Variants in CDH12 observed in about 807,000 individuals in gnomAD.
The protein encoded by CDH12 is cadherin 12, also known as cadherin-12.
A neutral mutation model predicts 74.1 loss-of-function variants in CDH12; 41 were observed. The observed-to-expected ratio is 0.55, with a 90% CI of 0.43 to 0.72. The LOEUF (loss-of-function observed/expected upper bound fraction) is 0.72. Ranked by LOEUF, CDH12 falls within the 30% of genes least tolerant of loss-of-function variation. CDH12 has a pLI of 0.00. For synonymous variants in CDH12, 399 were observed against 355.0 expected (o/e 1.12, Z -1.39); for missense variants, 945 against 977.2 (o/e 0.97, Z 0.44).
intron 5 of CDH12, among the ~76,000 whole-genome samples, chr5:21,999,326 C>T (rs1736470675): frequency 6.6e-6 from 1 of 152,174 alleles, no homozygotes; most frequent in Non-Finnish European, 1.5e-5. Flanking sequence ...ACCATCTCTT[C>T]TGACACCACC....
chr5:21,859,605 C>G (rs1325212985), intron 6 of CDH12, among the ~76,000 whole-genome samples: 3 of 151,978 alleles, frequency 2.0e-5, no homozygotes, highest in Non-Finnish European at 4.4e-5. Context: ...GATCCACTAG[C>G]AAACTTCTTG....
intron 4 of CDH12, among the ~76,000 whole-genome samples, chr5:22,091,622 A>T (rs1743439386): frequency 6.6e-6 from 1 of 152,050 alleles, no homozygotes. Context: ...ATTATTAAGA[A>T]GACAATAACC....
intron 5 of CDH12, among the ~76,000 whole-genome samples, chr5:22,018,217 A>G (rs950981415): frequency 6.6e-6 from 1 of 152,198 alleles, no homozygotes; most frequent in African/African-American, 2.4e-5. Context: ...TTGAAAAGCC[A>G]GTTTGTCTCA....
At chr5:22,537,605 C>A (rs1737910095) in intron 1 of CDH12, among the ~76,000 whole-genome samples, 1 of 152,162 alleles carries the variant, frequency 6.6e-6, no homozygotes, top group Admixed American at 6.5e-5. Context: ...GGAGAGATGT[C>A]AGCCCCAAAA....
At chr5:21,857,442 T>TA (rs1554038101) in intron 6 of CDH12, among the ~76,000 whole-genome samples, 4 of 151,680 alleles carry the variant, frequency 2.6e-5, no homozygotes, top group Non-Finnish European at 5.9e-5. Context: ...CAATGGAGAG[T>TA]ATCAAGTCAC....
intron 1 of CDH12, among the ~76,000 whole-genome samples, chr5:22,702,080 G>T (rs1315271426): frequency 1.3e-5 from 2 of 152,122 alleles, no homozygotes; most frequent in African/African-American, 4.8e-5. Context: ...CATCATCATT[G>T]TCTAGAGGCG....
intron 1 of CDH12, among the ~76,000 whole-genome samples, chr5:22,835,409 C>T (rs1736778094): frequency 6.6e-6 from 1 of 152,206 alleles, no homozygotes; most frequent in South Asian, 2.1e-4. Context: ...CAAATGTGTC[C>T]TCCATTACCA....
intron 5 of CDH12, among the ~76,000 whole-genome samples, chr5:22,043,065 AGAG>A (rs1739688749): frequency 6.6e-6 from 1 of 152,156 alleles, no homozygotes; most frequent in South Asian, 2.1e-4. Context: ...AGAAAATTAC[AGAG>A]GAGGAAATTC....
intron 3 of CDH12, among the ~76,000 whole-genome samples, chr5:22,272,070 G>C (rs1736425173): frequency 6.6e-6 from 1 of 152,122 alleles, no homozygotes; most frequent in Non-Finnish European, 1.5e-5. Flanking sequence ...GTTGTAGATG[G>C]GATCTTCCTC....
At chr5:22,279,441 A>C (rs1293372885) in intron 3 of CDH12, among the ~76,000 whole-genome samples, 2 of 152,168 alleles carry the variant, frequency 1.3e-5, no homozygotes, top group African/African-American at 2.4e-5. Context: ...TTTGTTACAT[A>C]TGTATACATG....
chr5:22,223,180 T>C (rs1421594666), intron 3 of CDH12, among the ~76,000 whole-genome samples: 3 of 152,050 alleles, frequency 2.0e-5, no homozygotes, highest in Non-Finnish European at 4.4e-5. Context: ...GCAACACATG[T>C]GTTAAAGTTC....
intron 1 of CDH12, among the ~76,000 whole-genome samples, chr5:22,635,250 T>C (rs1276810295): frequency 6.6e-6 from 1 of 151,848 alleles, no homozygotes; most frequent in Admixed American, 6.7e-5. Context: ...GGGGACACAA[T>C]TTTCTTTTCG....
chr5:22,296,737 G>A (rs935062140), intron 3 of CDH12, among the ~76,000 whole-genome samples: 2 of 152,058 alleles, frequency 1.3e-5, no homozygotes, highest in East Asian at 1.9e-4. Flanking sequence ...TGCTTCAAGC[G>A]TGAAGCTGGC....
At chr5:22,055,059 T>C (rs988034103) in intron 5 of CDH12, among the ~76,000 whole-genome samples, 2 of 152,210 alleles carry the variant, frequency 1.3e-5, no homozygotes, top group African/African-American at 4.8e-5. Flanking sequence ...ATATCAGGTG[T>C]GTAATCTGAT....
intron 3 of CDH12, among the ~76,000 whole-genome samples, chr5:22,344,137 A>C (rs932626600): frequency 2.0e-5 from 3 of 152,222 alleles, no homozygotes; most frequent in Non-Finnish European, 2.9e-5. Flanking sequence ...GAAGCCATCC[A>C]ATATTAATTG....
Position 22,205,013 on chromosome 5 carries a change from T to G in CDH12, c.-187+7485A>C, listed in dbSNP as rs189933413. On this transcript the variant is annotated intron_variant, in intron 4 of 14. Transcript: ENST00000382254. Reference sequence around the variant, plus strand: ...ACTAGGCCTTGTCAACATGTATCCCTAGCATCTAGCACAGCACCTAACACT... The same window carrying G: ...ACTAGGCCTTGTCAACATGTATCCCGAGCATCTAGCACAGCACCTAACACT... Among the ~76,000 whole-genome samples the G allele has an allele frequency of 6.6e-5, 10 of 152,358 alleles. No individual in the cohort carries two copies. In the East Asian group the frequency reaches 1.9e-3, roughly 29 times the overall value.
chr5:22,246,213 A>C (rs926599906), intron 3 of CDH12, among the ~76,000 whole-genome samples: 2 of 152,216 alleles, frequency 1.3e-5, no homozygotes, highest in Non-Finnish European at 2.9e-5. Flanking sequence ...ATTTAAGTAA[A>C]AATGGCTGTT....
At chr5:22,504,851 C>A (rs1162868706) in intron 2 of CDH12, among the ~76,000 whole-genome samples, 1 of 151,784 alleles carries the variant, frequency 6.6e-6, no homozygotes, top group Non-Finnish European at 1.5e-5. Context: ...TGAAATGAGA[C>A]GTATCCAATT....
intron 5 of CDH12, among the ~76,000 whole-genome samples, chr5:22,017,780 A>G (rs1737692283): frequency 1.4e-5 from 2 of 141,408 alleles, no homozygotes; most frequent in Admixed American, 7.1e-5. Flanking sequence ...TTTTTTTTTG[A>G]GACAGTTTTG....
Sources: allele counts gnomAD v4.1 joint callset (sites outside exome capture counted in the v4.1 genomes callset), GRCh38; gene constraint gnomAD v4.1.1; transcripts MANE v1.5; gene names NCBI Gene and HGNC (gene_info 2026-07-23, HGNC 2026-07-21).